The following MAPK4 variants were observed in gnomAD, a reference collection of about 807,000 sequenced individuals.
MAPK4 encodes the protein mitogen-activated protein kinase 4.
MAPK4 carries 22 observed loss-of-function variants against 47.7 expected under a neutral mutation model. That is an observed-to-expected ratio of 0.46 (90% CI 0.33 to 0.66). The LOEUF (loss-of-function observed/expected upper bound fraction) is 0.66, where lower values mean the gene tolerates loss of function less well. Ranked by LOEUF, MAPK4 falls within the 30% of genes least tolerant of loss-of-function variation. The pLI is 0.02. For missense variants in MAPK4, 736 were observed against 831.7 expected (o/e 0.88, Z 1.42); for synonymous variants, 390 against 365.7 (o/e 1.07, Z -0.76).
At chr18:50,670,487 TG>T (rs536083279) in intron 2 of MAPK4, among the ~76,000 whole-genome samples, 68 of 152,324 alleles carry the variant, frequency 4.5e-4, no homozygotes, top group African/African-American at 1.6e-3. Flanking sequence ...CCGGGTGTGG[TG>T]GCTCACGCCT....
rs1911385346 is a variant in MAPK4, at chr18:50,729,274, T to C, written c.1184T>C (p.Val395Ala). 2 of 1,609,488 alleles carry C rather than the reference T, an allele frequency of 1.2e-6. No homozygotes were observed. Among genetic ancestry groups the C allele is most frequent in the Admixed American group, 3.3e-5 (2 of 59,878 alleles). Residue 395 changes from valine (V) to alanine (A), a missense_variant, in exon 6 of 6, where the codon GTG becomes GCG. By Grantham distance (64) the Val-to-Ala change is moderately conservative (BLOSUM62 0). Coordinates refer to ENST00000400384, the MANE Select transcript of MAPK4 (RefSeq NM_002747.4). ...GSAPLAEDVQ[V>A]DPRKDSHSSS... The stretch of plus-strand genomic sequence containing the variant: ...GCGCCACTGGCTGAGGACGTGCAGG[T>C]GGACCCGCGCAAGGACTCGCACAGC...
intron 2 of MAPK4, among the ~76,000 whole-genome samples, chr18:50,681,218 T>A (rs1426060902): frequency 6.6e-6 from 1 of 152,250 alleles, no homozygotes; most frequent in Admixed American, 6.5e-5. Flanking sequence ...TCTGGAGAAC[T>A]GTCTATTTAG....
intron 1 of MAPK4, among the ~76,000 whole-genome samples, chr18:50,568,607 A>T (rs2042222604): frequency 6.6e-6 from 1 of 152,226 alleles, no homozygotes; most frequent in Non-Finnish European, 1.5e-5. Flanking sequence ...GGAGGGAGTT[A>T]GGGTTAGGAA....
chr18:50,587,591 C>T (rs1341302542), intron 1 of MAPK4, among the ~76,000 whole-genome samples: 1 of 152,146 alleles, frequency 6.6e-6, no homozygotes, highest in African/African-American at 2.4e-5. Flanking sequence ...GGGGCAGCCC[C>T]TCCATGAAGG....
At chr18:50,671,917 A>G (rs1242504690) in intron 2 of MAPK4, among the ~76,000 whole-genome samples, 1 of 150,580 alleles carries the variant, frequency 6.6e-6, no homozygotes, top group African/African-American at 2.4e-5. Context: ...AATCATGTTG[A>G]TCAACTTCAT....
intron 1 of MAPK4, among the ~76,000 whole-genome samples, chr18:50,622,359 C>T (rs2042739634): frequency 6.6e-6 from 1 of 152,194 alleles, no homozygotes; most frequent in Non-Finnish European, 1.5e-5. Flanking sequence ...ACAGTGTTAG[C>T]TTCCTCTGAT....
At chr18:50,575,774 C>A in intron 1 of MAPK4, among the ~76,000 whole-genome samples, 2 of 97,174 alleles carry the variant, frequency 2.1e-5, no homozygotes, top group East Asian at 3.4e-4. Context: ...CTATTAGGAA[C>A]TTAAATGAAT....
chr18:50,675,896 G>A (rs1908243873), intron 2 of MAPK4, among the ~76,000 whole-genome samples: 1 of 152,158 alleles, frequency 6.6e-6, no homozygotes. Context: ...TAAAGTGCTG[G>A]GATTATAGGC....
At position 50,729,774 on chromosome 18, in the gene MAPK4, G is replaced by C. The variant is rs1437770365; in HGVS notation, c.1684G>C (p.Gly562Arg). The C allele has an allele frequency of 6.2e-7, 1 of 1,611,868 alleles. No homozygotes were observed. Among genetic ancestry groups the C allele is most frequent in the Admixed American group, 1.7e-5 (1 of 59,912 alleles). ...KPEDLPDNKLGDLNGACIPEH... is the reference protein window; with the variant it reads ...KPEDLPDNKLRDLNGACIPEH... ...CGAGGACCTGCCGGACAATAAACTG[G>C]GCGACCTCAATGGTGCGTGCATCCC... The change falls in exon 6 of 6, where the codon GGC (glycine) becomes CGC (arginine). Residue 562 changes from glycine to arginine, a missense_variant. Gly to Arg is a moderately radical substitution (Grantham distance 125). Transcript: ENST00000400384.
At chr18:50,685,225 A>T (rs1156455503) in intron 2 of MAPK4, among the ~76,000 whole-genome samples, 1 of 152,222 alleles carries the variant, frequency 6.6e-6, no homozygotes, top group Non-Finnish European at 1.5e-5. Context: ...TTCTAAAGGC[A>T]CAGAAGCAAA....
intron 1 of MAPK4, among the ~76,000 whole-genome samples, chr18:50,656,637 T>C (rs1463532116): frequency 6.6e-6 from 1 of 152,194 alleles, no homozygotes; most frequent in Non-Finnish European, 1.5e-5. Context: ...CTGGGGCATC[T>C]GGGAAGCTGC....
intron 1 of MAPK4, among the ~76,000 whole-genome samples, chr18:50,651,648 A>C (rs887919310): frequency 6.6e-6 from 1 of 152,200 alleles, no homozygotes; most frequent in African/African-American, 2.4e-5. Context: ...CAGCGGACAC[A>C]TGGCGGCAGT....
rs867229676 is a variant in MAPK4 at position 50,664,069 on chromosome 18, C to A, written c.111C>A (p.Ala37=). The A allele has an allele frequency of 1.9e-6, 3 of 1,613,882 alleles. No homozygotes were observed. Among genetic ancestry groups the A allele is most frequent in the South Asian group, 1.1e-5 (1 of 91,062 alleles). Residue 37 remains alanine, a synonymous_variant, in exon 2 of 6, where the codon GCC becomes GCA. Transcript: ENST00000400384. The surrounding 1 kb of genome is among the most constrained non-coding windows in gnomAD (Gnocchi z 6.0). The part of the protein sequence containing the change: ...GFGVNGLVLS[A]VDSRACRKVA... Reference sequence around the variant, plus strand: ...GTGTCAATGGTTTGGTGCTGTCGGCCGTGGACAGCCGGGCCTGCCGGAAGG... The same window carrying A: ...GTGTCAATGGTTTGGTGCTGTCGGCAGTGGACAGCCGGGCCTGCCGGAAGG...
intron 1 of MAPK4, among the ~76,000 whole-genome samples, chr18:50,614,793 T>A (rs540647103): frequency 3.9e-5 from 6 of 152,352 alleles, no homozygotes; most frequent in Non-Finnish European, 8.8e-5. Context: ...ACTACTTCAG[T>A]GGTACTGGTA....
intron 1 of MAPK4, among the ~76,000 whole-genome samples, chr18:50,626,572 G>A (rs1342026994): frequency 3.3e-5 from 5 of 152,144 alleles, no homozygotes; most frequent in South Asian, 2.1e-4. Flanking sequence ...CACTTGCTCC[G>A]ACACTGTCCC....
chr18:50,566,050 G>A (rs2042195689), intron 1 of MAPK4, among the ~76,000 whole-genome samples: 2 of 152,186 alleles, frequency 1.3e-5, no homozygotes, highest in Admixed American at 1.3e-4. Context: ...GGAAGACAGT[G>A]TTCTAATTGT....
At chr18:50,661,808 C>T (rs967574269) in intron 1 of MAPK4, among the ~76,000 whole-genome samples, 2 of 152,046 alleles carry the variant, frequency 1.3e-5, no homozygotes, top group Admixed American at 6.5e-5. Flanking sequence ...GTTCCTGGAC[C>T]CAGTAAAAAC....
At chr18:50,653,057 C>G (rs1387311128) in intron 1 of MAPK4, among the ~76,000 whole-genome samples, 1 of 152,042 alleles carries the variant, frequency 6.6e-6, no homozygotes, top group Non-Finnish European at 1.5e-5. Context: ...GACACAGTGG[C>G]ATGCACCTGT....
At chr18:50,662,754 T>G (rs1245983415) in intron 1 of MAPK4, among the ~76,000 whole-genome samples, 1 of 152,260 alleles carries the variant, frequency 6.6e-6, no homozygotes, top group Non-Finnish European at 1.5e-5. Context: ...TGTGTGTGTT[T>G]GGAGAGCATA....
Sources: allele counts gnomAD v4.1 joint callset (sites outside exome capture counted in the v4.1 genomes callset), GRCh38; gene constraint gnomAD v4.1.1; non-coding constraint Gnocchi (gnomAD v3.1); transcripts MANE v1.5; gene names NCBI Gene and HGNC (gene_info 2026-07-23, HGNC 2026-07-21).